ZNF664: variants seen among roughly 807,000 people sequenced by gnomAD.
The protein encoded by ZNF664 is zinc finger protein 664, also known as zinc finger Organ of Corti 1.
In ZNF664, 10 loss-of-function variants were observed where a neutral mutation model predicts 18.2. The observed-to-expected ratio is 0.55, with a 90% CI of 0.34 to 0.93. The LOEUF is 0.93. ZNF664 is among the 40% of genes least tolerant of loss of function. ZNF664 has a pLI of 0.02. For missense variants in ZNF664, 193 were observed against 319.0 expected (o/e 0.61, Z 3.01); for synonymous variants, 119 against 104.2 (o/e 1.14, Z -0.86).
At chr12:124,011,196 A>T in intron 3 of ZNF664, 185 bp from the exon 4 acceptor site, 1 of 677,090 alleles carries the variant, frequency 1.5e-6, no homozygotes, top group Non-Finnish European at 1.8e-6. Context: ...GATCGTTTTC[A>T]TTGTTGTTCC....
chr12:124,015,423 C>G lies in ZNF664; in HGVS notation c.*2493C>G, dbSNP rs930988063. 1 of 161,522 alleles carries G rather than the reference C, an allele frequency of 6.2e-6. No individual in the cohort carries two copies. Among genetic ancestry groups the G allele is most frequent in the African/African-American group, 2.4e-5 (1 of 41,426 alleles). The allele number at this position is 161,522 out of a possible 1,614,324, so 10.0% of individuals were successfully genotyped here. A position where few individuals can be genotyped will look rare whatever the true frequency, so the allele number is the denominator to read the frequency against. ...TCAATTTAATAAAATCGCTTTATAA[C>G]AGGGTTCTGTGCTTGACATGTAGTT... is the stretch of plus-strand genomic sequence containing the variant. On this transcript the variant is annotated 3_prime_UTR_variant, in exon 5 of 5. Transcript: ENST00000337815.
intron 3 of ZNF664, among the ~76,000 whole-genome samples, chr12:124,007,429 G>A (rs1957085546): frequency 6.6e-6 from 1 of 152,214 alleles, no homozygotes; most frequent in Non-Finnish European, 1.5e-5. Flanking sequence ...AGCTTGCCAG[G>A]CAAAAGAGCA....
At chr12:123,979,985 A>G (rs1057014109) in intron 2 of ZNF664, among the ~76,000 whole-genome samples, 2 of 152,298 alleles carry the variant, frequency 1.3e-5, no homozygotes, top group East Asian at 1.9e-4. Flanking sequence ...TGTCTAGCCT[A>G]TTAGTTTTTT....
At chr12:123,978,603 A>G (rs924520744) in intron 2 of ZNF664, among the ~76,000 whole-genome samples, 1 of 152,220 alleles carries the variant, frequency 6.6e-6, no homozygotes, top group African/African-American at 2.4e-5. Flanking sequence ...TATGATTTCA[A>G]TGTAATTACA....
At chr12:123,993,345 T>A (rs887758573) in intron 3 of ZNF664, among the ~76,000 whole-genome samples, 13 of 152,146 alleles carry the variant, frequency 8.5e-5, no homozygotes, top group African/African-American at 3.1e-4. Context: ...AATCTTCAAT[T>A]TCAGAACTAT....
In ZNF664 at chr12:124,013,972, C is replaced by T. The variant is rs950292314; in HGVS notation, c.*1042C>T. ...ATCCATCATTCTTTTCTTCATTCAA[C>T]AAATATGTATTGAACACCTCCTATA... On this transcript the variant is annotated 3_prime_UTR_variant, in exon 5 of 5. Transcript: ENST00000337815. The T allele has an allele frequency of 6.0e-6, 1 of 167,098 alleles. No individual in the cohort carries two copies. Among genetic ancestry groups the T allele is most frequent in the Non-Finnish European group, 1.5e-5 (1 of 68,154 alleles). 10.4% of individuals were successfully genotyped at this position (167,098 alleles called of 1,614,324 possible). A position where few individuals can be genotyped will look rare whatever the true frequency, so the allele number is the denominator to read the frequency against.
intron 3 of ZNF664, among the ~76,000 whole-genome samples, chr12:123,997,340 A>G (rs1009034608): frequency 2.0e-5 from 3 of 152,214 alleles, no homozygotes; most frequent in Non-Finnish European, 4.4e-5. Flanking sequence ...GGCTGCTGTA[A>G]CAAAGTACCA....
intron 2 of ZNF664, among the ~76,000 whole-genome samples, chr12:123,976,645 G>A (rs950383514): frequency 2.6e-5 from 4 of 152,206 alleles, no homozygotes; most frequent in Admixed American, 1.3e-4. Flanking sequence ...AAGATGTGGG[G>A]GCGTGTTGGG....
rs1391933794 is a variant in ZNF664, at chr12:124,013,005, T to A, written c.*75T>A. 1 of 1,497,006 alleles carries A rather than the reference T, an allele frequency of 6.7e-7. No individual in the cohort carries two copies. Among genetic ancestry groups the A allele is most frequent in the African/African-American group, 1.4e-5 (1 of 70,622 alleles). The allele number at this position is 1,497,006 out of a possible 1,614,324, so 92.7% of individuals were successfully genotyped here. A position where few individuals can be genotyped will look rare whatever the true frequency, so the allele number is the denominator to read the frequency against. ...AAGGAAACCCTGTATATACCTACAT[T>A]GACCCAAGAAATATTTACGCAATCC... On this transcript the variant is annotated 3_prime_UTR_variant, in exon 5 of 5. Transcript: ENST00000337815.
At chr12:124,008,965 T>A (rs1002115075) in intron 3 of ZNF664, among the ~76,000 whole-genome samples, 1 of 152,160 alleles carries the variant, frequency 6.6e-6, no homozygotes, top group Non-Finnish European at 1.5e-5. Context: ...GTGTGCTCAT[T>A]GCTATCGCTT....
intron 3 of ZNF664, among the ~76,000 whole-genome samples, chr12:124,000,913 T>C (rs1005292302): frequency 1.3e-5 from 2 of 152,212 alleles, no homozygotes. Flanking sequence ...CTCACACATG[T>C]ATACCTTATA....
chr12:123,981,059 G>A (rs1383425350), intron 2 of ZNF664, among the ~76,000 whole-genome samples: 1 of 152,176 alleles, frequency 6.6e-6, no homozygotes, highest in Non-Finnish European at 1.5e-5. Context: ...CATTAGAGTA[G>A]ATAATGGATT....
chr12:123,993,508 C>T (rs1306822092), intron 3 of ZNF664, among the ~76,000 whole-genome samples: 4 of 152,112 alleles, frequency 2.6e-5, no homozygotes, highest in Non-Finnish European at 5.9e-5. Context: ...TCTAAGTCTT[C>T]CTATACCAAG....
In ZNF664 at chr12:123,976,037, C is replaced by T. The variant is rs1956687453; in HGVS notation, c.-757+2017C>T. Among the ~76,000 whole-genome samples the T allele has an allele frequency of 2.0e-5, 3 of 152,110 alleles. No homozygotes were observed. The South Asian group carries it at 6.2e-4, about 32-fold the overall frequency. ...AAGATGTATGAGATACGATTAGGGG[C>T]TTTTTATGTATTTTTCTTTCTTTCA... is the stretch of plus-strand genomic sequence containing the variant. On this transcript the variant is annotated intron_variant, in intron 2 of 4. Coordinates refer to ENST00000337815, the MANE Select transcript of ZNF664 (RefSeq NM_152437.3).
intron 2 of ZNF664, among the ~76,000 whole-genome samples, chr12:123,982,058 C>G (rs1366756350): frequency 1.3e-5 from 2 of 152,096 alleles, no homozygotes; most frequent in Non-Finnish European, 2.9e-5. Context: ...CATTAGTGGT[C>G]CTTTTGTCAG....
intron 2 of ZNF664, among the ~76,000 whole-genome samples, chr12:123,981,235 A>G (rs1227190881): frequency 2.0e-5 from 3 of 152,138 alleles, no homozygotes; most frequent in African/African-American, 4.8e-5. Context: ...GACTTGGGCA[A>G]TTGAGGGGAG....
intron 3 of ZNF664, among the ~76,000 whole-genome samples, chr12:124,002,866 A>G (rs1215617047): frequency 2.0e-5 from 3 of 152,160 alleles, no homozygotes; most frequent in Non-Finnish European, 2.9e-5. Context: ...TGGTGAGATT[A>G]CTTAGAGGGT....
intron 3 of ZNF664, chr12:124,004,961 A>G (rs1040510770): frequency 4.9e-5 from 8 of 163,168 alleles, no homozygotes; most frequent in Non-Finnish European, 6.5e-5. Flanking sequence ...ATTTCATTAT[A>G]TATTACAATG....
At chr12:123,987,660 C>T (rs1055014248) in intron 2 of ZNF664, among the ~76,000 whole-genome samples, 3 of 152,160 alleles carry the variant, frequency 2.0e-5, no homozygotes, top group South Asian at 2.1e-4. Flanking sequence ...CTGGAAAATC[C>T]GTGAAAAAAC....
Sources: allele counts gnomAD v4.1 joint callset (sites outside exome capture counted in the v4.1 genomes callset), GRCh38; gene constraint gnomAD v4.1.1; transcripts MANE v1.5; gene names NCBI Gene and HGNC (gene_info 2026-07-23, HGNC 2026-07-21).